Variants in VPS53 observed in about 807,000 individuals in gnomAD.
VPS53 encodes VPS53 subunit of GARP complex, also known as vacuolar protein sorting-associated protein 53 homolog.
A neutral mutation model predicts 107.0 loss-of-function variants in VPS53; 70 were observed. The ratio of observed to expected loss-of-function variants is 0.65; its 90% CI spans 0.54 to 0.80. VPS53 has a LOEUF of 0.80. Ranked by LOEUF, VPS53 falls within the 30% of genes least tolerant of loss-of-function variation. The pLI, the probability that VPS53 is intolerant of heterozygous loss-of-function variation, is 0.00. For missense variants in VPS53, 917 were observed against 1,049.4 expected (o/e 0.87, Z 1.74); for synonymous variants, 409 against 393.3 (o/e 1.04, Z -0.47).
In VPS53 at chr17:642,898, G is replaced by A. The variant is rs1274013017; in HGVS notation, c.608+10393C>T. Among the ~76,000 whole-genome samples the A allele has an allele frequency of 5.4e-5, 7 of 130,288 alleles. No homozygotes were observed. In the East Asian group the frequency reaches 9.4e-4, roughly 17 times the overall value. The allele number at this position is 130,288 out of a possible 152,430, so 85.5% of individuals were successfully genotyped here. Reference sequence around the variant, plus strand: ...AGGACAACACTCATACTTGGAAATCGAGGACAACACTCATACTTGGCAACC... The same window carrying A: ...AGGACAACACTCATACTTGGAAATCAAGGACAACACTCATACTTGGCAACC... On this transcript the variant is annotated intron_variant, in intron 7 of 21. Coordinates refer to ENST00000437048, the MANE Select transcript of VPS53 (RefSeq NM_001128159.3).
intron 17 of VPS53, among the ~76,000 whole-genome samples, chr17:544,815 C>T (rs1243970038): frequency 6.6e-6 from 1 of 152,144 alleles, no homozygotes; most frequent in Non-Finnish European, 1.5e-5. Context: ...CACAGTGGCT[C>T]ACACCTGTAA....
At chr17:663,686 A>C (rs992835833) in intron 4 of VPS53, among the ~76,000 whole-genome samples, 1 of 152,260 alleles carries the variant, frequency 6.6e-6, no homozygotes, top group Non-Finnish European at 1.5e-5. Context: ...ACTAAAGACT[A>C]TGAATTCCTG....
chr17:555,791 G>C (rs1486399467), intron 15 of VPS53, among the ~76,000 whole-genome samples: 1 of 152,182 alleles, frequency 6.6e-6, no homozygotes, highest in African/African-American at 2.4e-5. Context: ...AAAAGAATCT[G>C]AATCAGCTCA....
At chr17:704,333 C>T (rs1597508931) in intron 2 of VPS53, among the ~76,000 whole-genome samples, 1 of 152,026 alleles carries the variant, frequency 6.6e-6, no homozygotes, top group South Asian at 2.1e-4. Flanking sequence ...TCCAGACAAC[C>T]GCAGACACAC....
rs1369860620 is a variant in VPS53 at position 518,362 on chromosome 17, C to G, written c.*766G>C. 2.0e-5 allele frequency: 3 copies of G among 152,172 alleles called. No individual in the cohort carries two copies. Among genetic ancestry groups the G allele is most frequent in the African/African-American group, 7.2e-5 (3 of 41,438 alleles). 9.4% of individuals were successfully genotyped at this position (152,172 alleles called of 1,614,324 possible). A position where few individuals can be genotyped will look rare whatever the true frequency, so the allele number is the denominator to read the frequency against. ...GGTCCATATTCTGTTCCTGAGGCAT[C>G]CAGAACCCCAGACTCCTTCTCATAA... On this transcript the variant is annotated 3_prime_UTR_variant, in exon 22 of 22. Transcript: ENST00000437048.
intron 15 of VPS53, among the ~76,000 whole-genome samples, chr17:553,700 A>G (rs1912079919): frequency 6.6e-6 from 1 of 151,116 alleles, no homozygotes; most frequent in African/African-American, 2.4e-5. Flanking sequence ...CCTCCCGAGT[A>G]GCTGGGACTA....
chr17:698,678 G>T (rs1973078014), intron 3 of VPS53, among the ~76,000 whole-genome samples: 1 of 151,396 alleles, frequency 6.6e-6, no homozygotes, highest in African/African-American at 2.4e-5. Flanking sequence ...GCTCCAGCCT[G>T]GGACACAGAG....
chr17:675,317 G>A (rs1458589686), intron 4 of VPS53: 1 of 152,172 alleles, frequency 6.6e-6, no homozygotes, highest in Non-Finnish European at 1.5e-5. Flanking sequence ...CGGTTATCAC[G>A]GAAGTAGGAG....
At chr17:602,210 A>G (rs563737989) in intron 11 of VPS53, among the ~76,000 whole-genome samples, 1 of 152,352 alleles carries the variant, frequency 6.6e-6, no homozygotes, top group Admixed American at 6.5e-5. Flanking sequence ...TGTCCCTGAC[A>G]CGTGTTCCCA....
At chr17:561,715 C>T (rs957953219) in intron 14 of VPS53, among the ~76,000 whole-genome samples, 7 of 152,294 alleles carry the variant, frequency 4.6e-5, no homozygotes, top group South Asian at 2.1e-4. Context: ...GCGCAACCTC[C>T]GCCTCCCGGG....
At chr17:591,386 T>C (rs1183603511) in intron 12 of VPS53, among the ~76,000 whole-genome samples, 1 of 152,252 alleles carries the variant, frequency 6.6e-6, no homozygotes, top group African/African-American at 2.4e-5. Flanking sequence ...CCTTCAGTTC[T>C]GCTCTGATTT....
chr17:592,124 A>G (rs1745533857), intron 12 of VPS53, among the ~76,000 whole-genome samples: 2 of 152,136 alleles, frequency 1.3e-5, no homozygotes, highest in Admixed American at 1.3e-4. Context: ...TGTTGAATTG[A>G]TCCCTTTACC....
chr17:559,202 T>C (rs28665360), intron 15 of VPS53, among the ~76,000 whole-genome samples: 8,075 of 152,206 alleles, frequency 0.053, 698 homozygotes, highest in African/African-American at 0.18. Context: ...TTCAAAACTA[T>C]GTCTATGAAT....
At chr17:642,789 A>C (rs942193734) in intron 7 of VPS53, among the ~76,000 whole-genome samples, 3 of 147,868 alleles carry the variant, frequency 2.0e-5, no homozygotes, top group African/African-American at 5.0e-5. Context: ...TCATACTTGG[A>C]AATCAAGGAC....
chr17:632,139 C>G (rs1312010133), intron 7 of VPS53, among the ~76,000 whole-genome samples: 1 of 152,062 alleles, frequency 6.6e-6, no homozygotes, highest in Non-Finnish European at 1.5e-5. Flanking sequence ...CACCTGTACT[C>G]GGGAGGCTGC....
intron 4 of VPS53, among the ~76,000 whole-genome samples, chr17:685,669 A>G (rs1972560011): frequency 1.3e-5 from 2 of 152,144 alleles, no homozygotes; most frequent in Non-Finnish European, 2.9e-5. Flanking sequence ...ATAAGAACTT[A>G]TTCTTCATTG....
At chr17:594,317 T>C (rs1567658733) in intron 12 of VPS53, among the ~76,000 whole-genome samples, 1 of 152,160 alleles carries the variant, frequency 6.6e-6, no homozygotes, top group Admixed American at 6.5e-5. Context: ...TAAAGTATAA[T>C]AATAAATAAA....
At position 519,111 on chromosome 17, in the gene VPS53, A is replaced by C; in HGVS notation, c.*17T>G. The C allele has an allele frequency of 6.7e-7, 1 of 1,484,608 alleles. No individual in the cohort carries two copies. Among genetic ancestry groups the C allele is most frequent in the Admixed American group, 2.4e-5 (1 of 41,118 alleles). 92.0% of individuals were successfully genotyped at this position (1,484,608 alleles called of 1,614,324 possible). A position where few individuals can be genotyped will look rare whatever the true frequency, so the allele number is the denominator to read the frequency against. On this transcript the variant is annotated 3_prime_UTR_variant, in exon 22 of 22. Coordinates refer to ENST00000437048, the MANE Select transcript of VPS53 (RefSeq NM_001128159.3). The surrounding 1 kb of genome is among the most constrained non-coding windows in gnomAD (Gnocchi z 5.0). ...GCTGAGGGTCTCCAGCCAGGAGCAAAGGGCCCCTTGCTGCTGCTACAGTCT... is the reference window on the plus strand; with the variant it reads ...GCTGAGGGTCTCCAGCCAGGAGCAACGGGCCCCTTGCTGCTGCTACAGTCT...
In VPS53 at chr17:653,424, A is replaced by G. The variant is rs372625653; in HGVS notation, c.489-14T>C. ...CTGGTCATGGCTCTGCAAGGAAAGA[A>G]TAAGTTTAAAAGTCTAGAAAAACAC... On this transcript the variant is annotated splice_polypyrimidine_tract_variant and intron_variant, in intron 6 of 21. Transcript: ENST00000437048. 8 of 1,614,242 alleles carry G rather than the reference A, an allele frequency of 5.0e-6. No individual in the cohort carries two copies. The South Asian group carries it at 5.5e-5, about 11-fold the overall frequency.
Sources: allele counts gnomAD v4.1 joint callset (sites outside exome capture counted in the v4.1 genomes callset), GRCh38; gene constraint gnomAD v4.1.1; non-coding constraint Gnocchi (gnomAD v3.1); transcripts MANE v1.5; gene names NCBI Gene and HGNC (gene_info 2026-07-23, HGNC 2026-07-21).